The following SCN11A variants were observed in gnomAD, a reference collection of about 807,000 sequenced individuals.
SCN11A encodes sodium voltage-gated channel alpha subunit 11.
SCN11A carries 122 observed loss-of-function variants against 162.2 expected under a neutral mutation model. The observed-to-expected ratio is 0.75, with a 90% CI of 0.65 to 0.87. The LOEUF (loss-of-function observed/expected upper bound fraction) is 0.87. Ranked by LOEUF, SCN11A falls within the 40% of genes least tolerant of loss-of-function variation. The pLI is 0.00. For synonymous variants in SCN11A, 758 were observed against 751.5 expected, an observed-to-expected ratio of 1.01 and a Z score of -0.14; for missense variants, 2,015 against 2,181.6, an observed-to-expected ratio of 0.92 and a Z score of 1.52.
intron 2 of SCN11A, among the ~76,000 whole-genome samples, chr3:38,977,293 C>T (rs974282631): frequency 5.9e-5 from 9 of 152,170 alleles, no homozygotes; most frequent in African/African-American, 2.2e-4. Flanking sequence ...TTCCTCCTCC[C>T]GCTCCACTGG....
At chr3:38,912,205 T>A (rs1327216455) in intron 11 of SCN11A, among the ~76,000 whole-genome samples, 1 of 152,184 alleles carries the variant, frequency 6.6e-6, no homozygotes, top group Non-Finnish European at 1.5e-5. Flanking sequence ...CCCTCATTTC[T>A]TGGTCACCAT....
In SCN11A at chr3:38,867,411, G is replaced by A; in HGVS notation, c.3861C>T (p.Tyr1287=). ...AGCCAAAGATGATAAAGACTACGAA[G>A]TAAATGTAACCGAGTGAATTGCTCT... ...EFESNSLGYI[Y]FVVFIIFGSF... is the part of the protein sequence containing the mutation. The change falls in exon 27 of 30, where the codon TAC becomes TAT. Residue 1287 remains tyrosine (Y), a synonymous_variant. Coordinates refer to ENST00000302328, the MANE Select transcript of SCN11A (RefSeq NM_001349253.2). 1.9e-6 allele frequency: 3 copies of A among 1,613,104 alleles called. No homozygotes were observed. The highest frequency in any genetic ancestry group is 2.5e-6 in the Non-Finnish European group (3 of 1,179,156).
intron 28 of SCN11A, 104 bp downstream of exon 28, chr3:38,863,091 T>A (rs2064989771): frequency 1.4e-6 from 1 of 734,824 alleles, no homozygotes; most frequent in Non-Finnish European, 2.4e-6. Flanking sequence ...GAGTCCTTAA[T>A]GTCTGCAAAT....
chr3:39,047,614 T>C (rs1006354334), intron 1 of SCN11A, among the ~76,000 whole-genome samples: 1 of 152,090 alleles, frequency 6.6e-6, no homozygotes, highest in Non-Finnish European at 1.5e-5. Context: ...GAGAAAATAT[T>C]TGCAAAGTAT....
At chr3:39,000,008 C>G (rs766533734) in intron 2 of SCN11A, among the ~76,000 whole-genome samples, 3 of 152,194 alleles carry the variant, frequency 2.0e-5, no homozygotes, top group African/African-American at 4.8e-5. Context: ...ACCAATACCC[C>G]CTCAGGCTTG....
At chr3:38,873,734 C>A (rs917550928) in intron 23 of SCN11A, among the ~76,000 whole-genome samples, 2 of 152,178 alleles carry the variant, frequency 1.3e-5, no homozygotes, top group African/African-American at 4.8e-5. Flanking sequence ...CAGTGAGACA[C>A]ATAGAAACAC....
chr3:38,907,359 C>T (rs75658739), intron 14 of SCN11A, among the ~76,000 whole-genome samples: 8,994 of 24,706 alleles, frequency 0.36, 1,045 homozygotes, highest in African/African-American at 0.5. Context: ...TCTATATATA[C>T]ACACACACAC....
At chr3:38,854,615 G>T (rs1041488340) in intron 28 of SCN11A, among the ~76,000 whole-genome samples, 1 of 152,204 alleles carries the variant, frequency 6.6e-6, no homozygotes, top group South Asian at 2.1e-4. Flanking sequence ...TCCTTTGAAA[G>T]AAGTGACATG....
chr3:38,998,779 C>G (rs1448549249), intron 2 of SCN11A, among the ~76,000 whole-genome samples: 1 of 151,730 alleles, frequency 6.6e-6, no homozygotes, highest in African/African-American at 2.4e-5. Context: ...AAGCTGGAAA[C>G]CATCATTCTC....
chr3:38,965,397 G>T (rs922408536), intron 2 of SCN11A, among the ~76,000 whole-genome samples: 1 of 152,172 alleles, frequency 6.6e-6, no homozygotes, highest in Non-Finnish European at 1.5e-5. Flanking sequence ...TGTAAGGTCT[G>T]GTTTCTTCAT....
chr3:39,038,344 C>A (rs2031960056), intron 1 of SCN11A, among the ~76,000 whole-genome samples: 1 of 152,116 alleles, frequency 6.6e-6, no homozygotes, highest in Admixed American at 6.5e-5. Flanking sequence ...AGTAACTATC[C>A]TCATTTTCTA....
At chr3:38,873,298 T>A (rs1248209421) in intron 23 of SCN11A, among the ~76,000 whole-genome samples, 1 of 152,174 alleles carries the variant, frequency 6.6e-6, no homozygotes, top group Non-Finnish European at 1.5e-5. Context: ...CTCAGCTGGA[T>A]AGGAAGTGAA....
intron 1 of SCN11A, among the ~76,000 whole-genome samples, chr3:39,044,806 A>G (rs1559584636): frequency 6.6e-6 from 1 of 152,154 alleles, no homozygotes; most frequent in Admixed American, 6.5e-5. Context: ...TAGCATAAGG[A>G]AAGAAATAAT....
intron 2 of SCN11A, among the ~76,000 whole-genome samples, chr3:38,988,736 A>G (rs532961269): frequency 1.3e-5 from 2 of 152,312 alleles, no homozygotes; most frequent in South Asian, 4.1e-4. Context: ...GTTTATTTTT[A>G]TTACAACTCT....
At chr3:38,890,379 C>T (rs1231654061) in intron 19 of SCN11A, among the ~76,000 whole-genome samples, 2 of 152,172 alleles carry the variant, frequency 1.3e-5, no homozygotes, top group Non-Finnish European at 2.9e-5. Context: ...AAGTATAAGT[C>T]TAAGAGTGTT....
At position 38,863,387 on chromosome 3, in the gene SCN11A, T is replaced by G. The variant is rs187799494; in HGVS notation, c.3952-88A>C. On this transcript the variant is annotated intron_variant, in intron 27 of 29. Coordinates refer to ENST00000302328, the MANE Select transcript of SCN11A (RefSeq NM_001349253.2). ...TTTTTGACACAATTTTAAAGTTACA[T>G]TACATTTCTATTAACAATTCTTAAA... 160 of 676,108 alleles carry G rather than the reference T, an allele frequency of 2.4e-4. 2 individuals are homozygous for G. The African/African-American group carries it at 2.7e-3, about 11-fold the overall frequency. The allele number at this position is 676,108 out of a possible 1,614,324, so 41.9% of individuals were successfully genotyped here.
intron 28 of SCN11A, among the ~76,000 whole-genome samples, chr3:38,855,187 C>T (rs2064847171): frequency 6.6e-6 from 1 of 152,226 alleles, no homozygotes; most frequent in Non-Finnish European, 1.5e-5. Context: ...TAGCACGGTA[C>T]TGCAGGAGCA....
At chr3:38,997,384 C>G (rs2030677067) in intron 2 of SCN11A, among the ~76,000 whole-genome samples, 1 of 152,206 alleles carries the variant, frequency 6.6e-6, no homozygotes, top group Non-Finnish European at 1.5e-5. Flanking sequence ...ATGCCTAGCT[C>G]CCTCATCTCC....
chr3:38,919,426 G>A (rs913408819), intron 11 of SCN11A, among the ~76,000 whole-genome samples: 1 of 152,142 alleles, frequency 6.6e-6, no homozygotes, highest in Non-Finnish European at 1.5e-5. Flanking sequence ...AGAAAGCACC[G>A]CTAACCTGAA....
Sources: gnomAD v4.1 joint callset for allele counts (sites outside exome capture counted in the v4.1 genomes callset) on GRCh38, gnomAD v4.1.1 for gene constraint, MANE v1.5 for transcripts, NCBI Gene and HGNC (gene_info 2026-07-23, HGNC 2026-07-21) for gene names.